The following CPNE4 variants were observed in gnomAD, a reference collection of about 807,000 sequenced individuals.
CPNE4 encodes copine 4, also known as copine-4.
A neutral mutation model predicts 67.9 loss-of-function variants in CPNE4; 25 were observed. The ratio of observed to expected loss-of-function variants is 0.37; its 90% confidence interval spans 0.27 to 0.51. CPNE4 has a LOEUF of 0.51. Among genes scored for constraint, CPNE4 ranks in the 20% least tolerant of loss-of-function variants. The pLI is 0.93. For synonymous variants in CPNE4, 242 were observed against 244.9 expected, an observed-to-expected ratio of 0.99 and a Z score of 0.11; for missense variants, 464 against 690.8, an observed-to-expected ratio of 0.67 and a Z score of 3.68.
At chr3:131,759,019 A>C (rs973177381) in intron 2 of CPNE4, among the ~76,000 whole-genome samples, 1 of 152,182 alleles carries the variant, frequency 6.6e-6, no homozygotes, top group South Asian at 2.1e-4. Context: ...ATACTAATAC[A>C]CGTGCCTAAC....
At chr3:131,846,114 C>T (rs1285553951) in intron 2 of CPNE4, among the ~76,000 whole-genome samples, 2 of 152,180 alleles carry the variant, frequency 1.3e-5, no homozygotes, top group African/African-American at 2.4e-5. Flanking sequence ...AGGCACTTAA[C>T]ATTTCTGTGC....
intron 2 of CPNE4, among the ~76,000 whole-genome samples, chr3:131,730,278 C>T (rs2082098144): frequency 6.6e-6 from 1 of 151,878 alleles, no homozygotes; most frequent in South Asian, 2.1e-4. Context: ...TTTTTTCTTT[C>T]CTAGGGAAAC....
intron 3 of CPNE4, among the ~76,000 whole-genome samples, chr3:131,715,618 A>C (rs1490078951): frequency 6.6e-6 from 1 of 152,228 alleles, no homozygotes; most frequent in Non-Finnish European, 1.5e-5. Context: ...AATGAAGTGC[A>C]GTATAGCAAC....
At chr3:131,542,859 T>C (rs1020890233) in intron 14 of CPNE4, 66 bp from the exon 15 acceptor site, 3 of 1,143,010 alleles carry the variant, frequency 2.6e-6, no homozygotes, top group Non-Finnish European at 3.9e-6. Flanking sequence ...GACAATACAA[T>C]ACCAGTTAGA....
intron 15 of CPNE4, among the ~76,000 whole-genome samples, chr3:131,538,429 G>A (rs1214674972): frequency 6.6e-6 from 1 of 152,208 alleles, no homozygotes; most frequent in Non-Finnish European, 1.5e-5. Context: ...TTGGGGACAT[G>A]TATTGGGTGG....
At chr3:131,623,345 C>T (rs1299764879) in intron 7 of CPNE4, among the ~76,000 whole-genome samples, 1 of 152,044 alleles carries the variant, frequency 6.6e-6, no homozygotes, top group Non-Finnish European at 1.5e-5. Flanking sequence ...TGTGATGGCT[C>T]CTGTGAGTAA....
intron 2 of CPNE4, among the ~76,000 whole-genome samples, chr3:131,738,543 T>A (rs183481378): frequency 6.6e-6 from 1 of 152,212 alleles, no homozygotes; most frequent in African/African-American, 2.4e-5. Flanking sequence ...GGGAATGAAC[T>A]CATTTTTAAG....
At chr3:131,781,213 T>A (rs16837842) in intron 2 of CPNE4, among the ~76,000 whole-genome samples, 47,076 of 151,882 alleles carry the variant, frequency 0.31, 7,471 homozygotes, top group East Asian at 0.48. Context: ...AGTTTCTGAG[T>A]GAGCAGCGAA....
upstream of CPNE4, among the ~76,000 whole-genome samples, chr3:132,038,214 G>A (rs1480255924): frequency 1.3e-5 from 2 of 152,020 alleles, no homozygotes; most frequent in African/African-American, 2.4e-5. Context: ...GAGGTGTGAT[G>A]TATTACTGGA....
chr3:131,726,518 A>AT (rs1220613069), intron 2 of CPNE4, among the ~76,000 whole-genome samples: 2 of 152,192 alleles, frequency 1.3e-5, no homozygotes, highest in Non-Finnish European at 2.9e-5. Flanking sequence ...ATAAATGCAT[A>AT]TTTGAAAGAT....
At chr3:131,980,216 G>C (rs2107635633) in intron 1 of CPNE4, among the ~76,000 whole-genome samples, 1 of 152,118 alleles carries the variant, frequency 6.6e-6, no homozygotes, top group East Asian at 1.9e-4. Flanking sequence ...TGTTCTTTTT[G>C]CTTCTTTTAT....
intron 7 of CPNE4, among the ~76,000 whole-genome samples, chr3:131,591,194 C>A (rs73874149): frequency 0.022 from 3,354 of 152,226 alleles, 60 homozygotes; most frequent in East Asian, 0.056. Flanking sequence ...GGTTTCTGGG[C>A]CCTTGTATTT....
At chr3:131,974,928 A>G (rs1481891699) in intron 1 of CPNE4, among the ~76,000 whole-genome samples, 1 of 152,070 alleles carries the variant, frequency 6.6e-6, no homozygotes, top group East Asian at 1.9e-4. Context: ...GGATGGCTTG[A>G]GCCTGGGAGG....
intron 7 of CPNE4, among the ~76,000 whole-genome samples, chr3:131,643,064 T>G (rs1009126313): frequency 2.0e-5 from 3 of 152,124 alleles, no homozygotes. Context: ...TCCTAGAGAC[T>G]TGTTGAATGG....
At chr3:131,838,574 A>G (rs1480873218) in intron 2 of CPNE4, among the ~76,000 whole-genome samples, 1 of 151,076 alleles carries the variant, frequency 6.6e-6, no homozygotes, top group Non-Finnish European at 1.5e-5. Flanking sequence ...AGATTAAAAT[A>G]ATAATAATGT....
chr3:131,870,199 T>C lies in CPNE4; in HGVS notation c.180+35065A>G, dbSNP rs373512704. On this transcript the variant is annotated intron_variant, in intron 2 of 15. Transcript: ENST00000429747. The stretch of plus-strand genomic sequence containing the variant: ...AATCCTAGGGCTCACATGGCTGCCT[T>C]ACCCAAAACAGGCAAAACACTTCCA... Among the ~76,000 whole-genome samples the C allele has an allele frequency of 1.2e-3, 177 of 152,286 alleles. 1 individual carries two copies. The highest frequency in any genetic ancestry group is 4.1e-3 in the African/African-American group (171 of 41,574).
At chr3:131,950,801 T>C (rs767278522) in intron 1 of CPNE4, among the ~76,000 whole-genome samples, 12 of 152,222 alleles carry the variant, frequency 7.9e-5, no homozygotes, top group Non-Finnish European at 5.9e-5. Flanking sequence ...TTTCACTAGA[T>C]CCAAGAGTCC....
intron 2 of CPNE4, among the ~76,000 whole-genome samples, chr3:131,894,727 A>G (rs1380418176): frequency 6.6e-6 from 1 of 152,078 alleles, no homozygotes; most frequent in Non-Finnish European, 1.5e-5. Context: ...GTTGGCAAGG[A>G]TGTAAAGAAG....
intron 1 of CPNE4, among the ~76,000 whole-genome samples, chr3:131,995,343 T>C (rs1242825854): frequency 6.6e-6 from 1 of 152,188 alleles, no homozygotes; most frequent in East Asian, 1.9e-4. Flanking sequence ...CTAACTCCAG[T>C]ATCCAGGCCT....
Sources: gnomAD v4.1 joint callset for allele counts (sites outside exome capture counted in the v4.1 genomes callset) on GRCh38, gnomAD v4.1.1 for gene constraint, MANE v1.5 for transcripts, NCBI Gene and HGNC (gene_info 2026-07-23, HGNC 2026-07-21) for gene names.